Variants in ZNF717 observed in about 807,000 individuals in gnomAD.
The protein encoded by ZNF717 is krueppel-like factor X17.
In ZNF717, 9 loss-of-function variants were observed where a neutral mutation model predicts 13.8. That is an observed-to-expected ratio of 0.65 (90% CI 0.39 to 1.14). The LOEUF is 1.14. Ranked by LOEUF, ZNF717 falls within the 50% of genes most tolerant of loss-of-function variation. The pLI, the probability that ZNF717 is intolerant of heterozygous loss-of-function variation, is 0.01. For missense variants in ZNF717, 1,040 were observed against 1,080.7 expected, an observed-to-expected ratio of 0.96 and a Z score of 0.53; for synonymous variants, 327 against 364.1, an observed-to-expected ratio of 0.90 and a Z score of 1.16.
intron 2 of ZNF717, among the ~76,000 whole-genome samples, chr3:75,769,100 G>A (rs969513808): frequency 6.6e-6 from 1 of 152,172 alleles, no homozygotes; most frequent in African/African-American, 2.4e-5. Flanking sequence ...CATCAAAAGG[G>A]GGAATCTAAT....
At chr3:75,730,925 G>A (rs1447772032), downstream of ZNF717, among the ~76,000 whole-genome samples, 1 of 152,214 alleles carries the variant, frequency 6.6e-6, no homozygotes, top group Non-Finnish European at 1.5e-5. Flanking sequence ...ACAGATTCCA[G>A]GTTCTGATTT....
intron 2 of ZNF717, among the ~76,000 whole-genome samples, chr3:75,756,966 C>T (rs560644871): frequency 6.6e-6 from 1 of 152,264 alleles, no homozygotes; most frequent in African/African-American, 2.4e-5. Flanking sequence ...GTGACAGCCA[C>T]AGCGCCCGGC....
chr3:75,743,210 C>G (rs1466560155), intron 2 of ZNF717, among the ~76,000 whole-genome samples: 9 of 152,202 alleles, frequency 5.9e-5, no homozygotes, highest in Non-Finnish European at 1.0e-4. Context: ...AACTTTAACT[C>G]TTTAGATTAC....
chr3:75,771,768 G>A (rs1016757166), intron 2 of ZNF717, among the ~76,000 whole-genome samples: 6 of 152,240 alleles, frequency 3.9e-5, no homozygotes, highest in African/African-American at 1.4e-4. Flanking sequence ...CCCAGGCACA[G>A]CTGCAGCCAT....
downstream of ZNF717, among the ~76,000 whole-genome samples, chr3:75,733,615 A>T (rs145844389): frequency 1 from 149,329 of 149,844 alleles, 74,407 homozygotes; most frequent in East Asian, 1. Flanking sequence ...CATCTCCACG[A>T]AAAAATACAA....
At chr3:75,758,873 C>T (rs6777721) in intron 2 of ZNF717, among the ~76,000 whole-genome samples, 107,243 of 148,814 alleles carry the variant, frequency 0.72, 38,914 homozygotes, top group African/African-American at 0.87. Flanking sequence ...CATGGTGGCA[C>T]GCACCTGTAG....
chr3:75,771,413 C>T (rs868396129), intron 2 of ZNF717, among the ~76,000 whole-genome samples: 4 of 152,206 alleles, frequency 2.6e-5, no homozygotes, highest in Non-Finnish European at 4.4e-5. Flanking sequence ...TCATTCATTG[C>T]TCAATTAAGC....
chr3:75,701,041 C>A, intron 6 of ZNF717, among the ~76,000 whole-genome samples: 1 of 152,430 alleles, frequency 6.6e-6, no homozygotes, highest in East Asian at 1.9e-4. Flanking sequence ...AATTATCCAT[C>A]TGAAAAGCAA....
intron 2 of ZNF717, among the ~76,000 whole-genome samples, chr3:75,753,455 C>A (rs1575853257): frequency 4.0e-5 from 6 of 148,492 alleles, no homozygotes; most frequent in Admixed American, 2.0e-4. Flanking sequence ...GAATGTTTGT[C>A]CCTCACATAG....
chr3:75,756,317 T>C (rs1471488505), intron 2 of ZNF717, among the ~76,000 whole-genome samples: 1 of 152,216 alleles, frequency 6.6e-6, no homozygotes, highest in African/African-American at 2.4e-5. Context: ...AGGCTTCTTT[T>C]TATTAATATT....
intron 6 of ZNF717, among the ~76,000 whole-genome samples, chr3:75,696,934 A>G (rs1937610433): frequency 1.3e-5 from 2 of 152,306 alleles, no homozygotes; most frequent in South Asian, 2.1e-4. Flanking sequence ...CAAAATCCAT[A>G]TAATCATTTC....
intron 6 of ZNF717, among the ~76,000 whole-genome samples, chr3:75,701,766 T>G (rs1937701938): frequency 6.6e-6 from 1 of 152,306 alleles, no homozygotes; most frequent in African/African-American, 2.4e-5. Flanking sequence ...TACAATATAT[T>G]GAGTTCAAAA....
At chr3:75,722,160 T>C (rs1421663051) in intron 4 of ZNF717, among the ~76,000 whole-genome samples, 1 of 151,490 alleles carries the variant, frequency 6.6e-6, no homozygotes, top group Non-Finnish European at 1.5e-5. Flanking sequence ...CTCGGGAGGC[T>C]GAGGCCAGAG....
chr3:75,768,351 G>A (rs1359869527), intron 2 of ZNF717, among the ~76,000 whole-genome samples: 4 of 83,260 alleles, frequency 4.8e-5, no homozygotes, highest in East Asian at 3.6e-4. Context: ...TCCTCACTGT[G>A]GCTGAGTGTG....
chr3:75,720,577 T>G (rs1306558345), intron 4 of ZNF717, among the ~76,000 whole-genome samples: 1 of 152,222 alleles, frequency 6.6e-6, no homozygotes, highest in Non-Finnish European at 1.5e-5. Flanking sequence ...AGCCCAAACT[T>G]AAGCACCATG....
intron 2 of ZNF717, among the ~76,000 whole-genome samples, chr3:75,764,151 A>C (rs975915634): frequency 2.0e-5 from 3 of 152,176 alleles, no homozygotes; most frequent in African/African-American, 7.2e-5. Context: ...GTTATTCCAA[A>C]TAATGAGCTC....
intron 2 of ZNF717, among the ~76,000 whole-genome samples, chr3:75,745,122 T>TGCGTCACATAGGA (rs1575801832): frequency 6.6e-6 from 1 of 150,572 alleles, no homozygotes; most frequent in African/African-American, 2.4e-5. Flanking sequence ...GGTCTGAATG[T>TGCGTCACATAGGA]TTGTCCCTCA....
chr3:75,730,613 T>C (rs1938474295), exon 6 of ZNF717: 2 of 702,122 alleles, frequency 2.8e-6, no homozygotes, highest in Admixed American at 2.0e-5. Context: ...ACAAGAGAGA[T>C]CAAACCTGGA....
intron 2 of ZNF717, among the ~76,000 whole-genome samples, chr3:75,775,592 C>T (rs1315113007): frequency 3.3e-5 from 5 of 152,194 alleles, no homozygotes; most frequent in Admixed American, 2.0e-4. Flanking sequence ...CAGTGGCTCA[C>T]GTCTGCAATC....
Sources: allele counts gnomAD v4.1 joint callset (sites outside exome capture counted in the v4.1 genomes callset), GRCh38; gene constraint gnomAD v4.1.1; transcripts MANE v1.5; gene names NCBI Gene and HGNC (gene_info 2026-07-23, HGNC 2026-07-21).